The following RAB7A variants were observed in gnomAD, a reference collection of about 807,000 sequenced individuals.
RAB7A encodes the protein RAB7A, member RAS oncogene family, also known as ras-related protein Rab-7a.
RAB7A carries 2 observed loss-of-function variants against 24.5 expected under a neutral mutation model. That is an observed-to-expected ratio of 0.08 (90% CI 0.03 to 0.26). The LOEUF (loss-of-function observed/expected upper bound fraction) is 0.26, where lower values mean the gene tolerates loss of function less well. Among genes scored for constraint, RAB7A ranks in the 10% least tolerant of loss-of-function variants. The pLI is 1.00. For missense variants in RAB7A, 118 were observed against 255.7 expected, an observed-to-expected ratio of 0.46 and a Z score of 3.67; for synonymous variants, 100 against 95.9, an observed-to-expected ratio of 1.04 and a Z score of -0.25.
At chr3:128,774,953 G>A (rs1211370282) in intron 1 of RAB7A, among the ~76,000 whole-genome samples, 3 of 152,010 alleles carry the variant, frequency 2.0e-5, no homozygotes, top group African/African-American at 7.3e-5. Context: ...GCTAATTTTT[G>A]TATTTTTAGT....
intron 1 of RAB7A, among the ~76,000 whole-genome samples, chr3:128,785,689 C>T (rs1337238263): frequency 3.5e-5 from 5 of 143,086 alleles, no homozygotes; most frequent in African/African-American, 1.3e-4. Context: ...GGGGAAGTTG[C>T]AGTGAACAGA....
At chr3:128,777,858 A>G (rs1933130787) in intron 1 of RAB7A, among the ~76,000 whole-genome samples, 1 of 152,136 alleles carries the variant, frequency 6.6e-6, no homozygotes, top group African/African-American at 2.4e-5. Flanking sequence ...AGTAGCTGGG[A>G]TTACAGGTGT....
intron 3 of RAB7A, among the ~76,000 whole-genome samples, chr3:128,805,712 G>A (rs1407504696): frequency 2.6e-5 from 4 of 152,066 alleles, no homozygotes; most frequent in Non-Finnish European, 5.9e-5. Flanking sequence ...GAGGGCAATG[G>A]CACGATCTTG....
At chr3:128,769,522 G>C (rs114643293) in intron 1 of RAB7A, among the ~76,000 whole-genome samples, 1 of 152,166 alleles carries the variant, frequency 6.6e-6, no homozygotes, top group East Asian at 1.9e-4. Flanking sequence ...TGTATATTCT[G>C]ATTACAAGTC....
chr3:128,763,219 T>A (rs1347166608), intron 1 of RAB7A, among the ~76,000 whole-genome samples: 4,367 of 128,556 alleles, frequency 0.034, 154 homozygotes, highest in South Asian at 0.13. Context: ...TTTTTTTTTT[T>A]TTTTTTTTTT....
At chr3:128,810,052 G>A (rs1342024099) in intron 5 of RAB7A, among the ~76,000 whole-genome samples, 3 of 144,724 alleles carry the variant, frequency 2.1e-5, no homozygotes, top group Admixed American at 7.4e-5. Flanking sequence ...AGGTTCAAGC[G>A]GTTCTCCTGC....
At chr3:128,799,382 G>A (rs966998451) in intron 3 of RAB7A, among the ~76,000 whole-genome samples, 1 of 151,862 alleles carries the variant, frequency 6.6e-6, no homozygotes, top group Non-Finnish European at 1.5e-5. Flanking sequence ...TCAGATCTTT[G>A]GAAACTTCTA....
intron 1 of RAB7A, among the ~76,000 whole-genome samples, chr3:128,759,141 T>C (rs151309833): frequency 2.0e-5 from 3 of 152,342 alleles, no homozygotes; most frequent in East Asian, 3.9e-4. Context: ...CCATGAAATA[T>C]GGTTTCATAG....
At chr3:128,727,775 C>T (rs2070395250) in intron 1 of RAB7A, among the ~76,000 whole-genome samples, 1 of 152,214 alleles carries the variant, frequency 6.6e-6, no homozygotes, top group African/African-American at 2.4e-5. Context: ...TGATGAAGCA[C>T]ATGATTTCTC....
intron 1 of RAB7A, chr3:128,764,906 C>T (rs180954265): frequency 4.7e-4 from 727 of 1,543,804 alleles, no homozygotes; most frequent in African/African-American, 8.5e-4. Context: ...TTGTAAGACA[C>T]GGACAGGTAA....
At chr3:128,759,529 C>G (rs2070760480) in intron 1 of RAB7A, among the ~76,000 whole-genome samples, 1 of 152,216 alleles carries the variant, frequency 6.6e-6, no homozygotes, top group Non-Finnish European at 1.5e-5. Flanking sequence ...TTTACACTTC[C>G]TTTGCAGGAA....
At chr3:128,732,070 A>G (rs1381360470) in intron 1 of RAB7A, among the ~76,000 whole-genome samples, 6 of 147,276 alleles carry the variant, frequency 4.1e-5, no homozygotes, top group African/African-American at 1.5e-4. Context: ...AGACAGAGTC[A>G]AGCTCTGTCG....
At chr3:128,810,649 C>G (rs2107617380) in intron 5 of RAB7A, among the ~76,000 whole-genome samples, 1 of 152,298 alleles carries the variant, frequency 6.6e-6, no homozygotes, top group African/African-American at 2.4e-5. Flanking sequence ...GACACGAATT[C>G]TCAGATCAGG....
chr3:128,793,553 A>G (rs1313916535), intron 1 of RAB7A, among the ~76,000 whole-genome samples: 5 of 152,142 alleles, frequency 3.3e-5, no homozygotes, highest in Admixed American at 6.5e-5. Context: ...CCTTCTTTCT[A>G]TTTGAAACTT....
At chr3:128,779,085 G>A (rs1046322498) in intron 1 of RAB7A, among the ~76,000 whole-genome samples, 2 of 152,158 alleles carry the variant, frequency 1.3e-5, no homozygotes, top group Admixed American at 1.3e-4. Flanking sequence ...CAAGTATATC[G>A]ACTAATATAG....
chr3:128,737,125 C>G (rs1267343660), intron 1 of RAB7A, among the ~76,000 whole-genome samples: 1 of 151,924 alleles, frequency 6.6e-6, no homozygotes, highest in Middle Eastern at 3.4e-3. Context: ...GCAAGCTCCA[C>G]CTTCCGGGTT....
chr3:128,753,417 A>G (rs1460223857), intron 1 of RAB7A, among the ~76,000 whole-genome samples: 1 of 152,194 alleles, frequency 6.6e-6, no homozygotes, highest in African/African-American at 2.4e-5. Flanking sequence ...GTATACTTAA[A>G]AATGATAAAG....
intron 1 of RAB7A, among the ~76,000 whole-genome samples, chr3:128,792,276 A>G (rs1054705958): frequency 4.6e-5 from 7 of 152,210 alleles, no homozygotes; most frequent in Admixed American, 6.6e-5. Context: ...ATTAAACAGC[A>G]TTGGTACACC....
intron 1 of RAB7A, among the ~76,000 whole-genome samples, chr3:128,773,015 G>A (rs376909224): frequency 0.049 from 7,386 of 152,184 alleles, 323 homozygotes; most frequent in South Asian, 0.13. Flanking sequence ...CCACCACCCC[G>A]TCTGGGAAGT....
Sources: allele counts gnomAD v4.1 joint callset (sites outside exome capture counted in the v4.1 genomes callset), GRCh38; gene constraint gnomAD v4.1.1; transcripts MANE v1.5; gene names NCBI Gene and HGNC (gene_info 2026-07-23, HGNC 2026-07-21).